The following PIK3C2G variants were observed in gnomAD, a reference collection of about 807,000 sequenced individuals.
PIK3C2G encodes phosphatidylinositol-4-phosphate 3-kinase catalytic subunit type 2 gamma.
PIK3C2G carries 168 observed loss-of-function variants against 181.1 expected under a neutral mutation model. That is an observed-to-expected ratio of 0.93 (90% CI 0.82 to 1.05). The LOEUF is 1.05. Among genes scored for constraint, PIK3C2G ranks in the 50% least tolerant of loss-of-function variants. The pLI, the probability that PIK3C2G is intolerant of heterozygous loss-of-function variation, is 0.00. For synonymous variants in PIK3C2G, 573 were observed against 592.2 expected, an observed-to-expected ratio of 0.97 and a Z score of 0.47; for missense variants, 1,869 against 1,732.8, an observed-to-expected ratio of 1.08 and a Z score of -1.40.
At chr12:18,615,367 G>GTGTGTGTGTGTA (rs1163460591) in intron 31 of PIK3C2G, among the ~76,000 whole-genome samples, 33 of 88,582 alleles carry the variant, frequency 3.7e-4, no homozygotes, top group African/African-American at 1.2e-3. Flanking sequence ...GTGTGTGTGT[G>GTGTGTGTGTGTA]TGTATGTGTA....
intron 22 of PIK3C2G, among the ~76,000 whole-genome samples, chr12:18,502,413 G>A (rs1941552977): frequency 6.6e-6 from 1 of 152,136 alleles, no homozygotes; most frequent in South Asian, 2.1e-4. Context: ...GGGAATTTGA[G>A]TTTGCAACTC....
At chr12:18,716,974 A>T in the PIK3C2G span, among the ~76,000 whole-genome samples, 5,359 of 152,268 alleles carry the variant, frequency 0.035, 129 homozygotes, top group East Asian at 0.056. Flanking sequence ...AAATTAACAG[A>T]TGAGGGAAAG....
In PIK3C2G at chr12:18,626,987, C is replaced by A. The variant is rs80051094; in HGVS notation, c.4183-13442C>A. Among the ~76,000 whole-genome samples the A allele has an allele frequency of 4.1e-3, 627 of 151,974 alleles. 3 individuals carry two copies. The highest frequency in any genetic ancestry group is 0.015 in the African/African-American group (602 of 41,490). The stretch of plus-strand genomic sequence containing the variant: ...GCTTTGTGACCCTTGTATTCCTCCT[C>A]TCTGTATTTAATTCCTTTTACTCAT... On this transcript the variant is annotated intron_variant, in intron 31 of 32. Transcript: ENST00000538779.
chr12:18,454,908 T>A (rs1173104147), intron 18 of PIK3C2G, among the ~76,000 whole-genome samples: 1 of 152,196 alleles, frequency 6.6e-6, no homozygotes. Context: ...TATCTCACTA[T>A]TTCTGTAGGT....
At chr12:18,363,000 G>T (rs1208803819) in intron 12 of PIK3C2G, 114 bp downstream of exon 12, 1 of 748,428 alleles carries the variant, frequency 1.3e-6, no homozygotes, top group African/African-American at 1.8e-5. Context: ...CAGTTGATTT[G>T]ATTCAGTGGT....
chr12:18,251,524 A>G (rs1011418489), intron 1 of PIK3C2G, among the ~76,000 whole-genome samples: 2 of 152,052 alleles, frequency 1.3e-5, no homozygotes, highest in African/African-American at 2.4e-5. Flanking sequence ...AGCCTATAGT[A>G]TCACAAATAC....
At chr12:18,256,663 G>A (rs1346432810), upstream of PIK3C2G, among the ~76,000 whole-genome samples, 2 of 152,078 alleles carry the variant, frequency 1.3e-5, no homozygotes, top group Non-Finnish European at 2.9e-5. Flanking sequence ...CAGAGGTTAC[G>A]TGTTCTTCTG....
chr12:18,628,015 C>T (rs10841049), intron 31 of PIK3C2G, among the ~76,000 whole-genome samples: 10 of 151,920 alleles, frequency 6.6e-5, no homozygotes, highest in African/African-American at 1.2e-4. Flanking sequence ...TTTTAAACCA[C>T]GTCTGTATCT....
intron 25 of PIK3C2G, among the ~76,000 whole-genome samples, chr12:18,544,843 G>T (rs80309901): frequency 0.016 from 2,461 of 151,794 alleles, 79 homozygotes; most frequent in African/African-American, 0.056. Context: ...CTGTATTATA[G>T]CATGTGCTTT....
intron 12 of PIK3C2G, among the ~76,000 whole-genome samples, chr12:18,364,104 C>A (rs1278699848): frequency 6.6e-6 from 1 of 152,192 alleles, no homozygotes; most frequent in Non-Finnish European, 1.5e-5. Flanking sequence ...CCCTACCTAT[C>A]TCTGCATCTT....
chr12:18,300,794 G>A (rs913292242), intron 5 of PIK3C2G, among the ~76,000 whole-genome samples: 2 of 151,992 alleles, frequency 1.3e-5, no homozygotes, highest in Non-Finnish European at 2.9e-5. Context: ...CTAACAGTAA[G>A]TTTTATACTT....
At chr12:18,506,953 T>C (rs1941874635) in intron 24 of PIK3C2G, among the ~76,000 whole-genome samples, 1 of 152,190 alleles carries the variant, frequency 6.6e-6, no homozygotes, top group South Asian at 2.1e-4. Context: ...TATTTTACTT[T>C]CTGTTACTCT....
At chr12:18,448,598 T>C (rs1947159658) in intron 18 of PIK3C2G, among the ~76,000 whole-genome samples, 1 of 152,146 alleles carries the variant, frequency 6.6e-6, no homozygotes, top group Non-Finnish European at 1.5e-5. Context: ...TGTTGGACTT[T>C]CTTTTAGATC....
intron 24 of PIK3C2G, among the ~76,000 whole-genome samples, chr12:18,533,316 A>C (rs1013002015): frequency 6.6e-6 from 1 of 152,082 alleles, no homozygotes; most frequent in Non-Finnish European, 1.5e-5. Context: ...GCTACCTCCA[A>C]ATGTTGCACT....
At chr12:18,643,661 G>A (rs1014167077) in intron 32 of PIK3C2G, among the ~76,000 whole-genome samples, 2 of 151,404 alleles carry the variant, frequency 1.3e-5, no homozygotes, top group African/African-American at 4.9e-5. Flanking sequence ...TTGTGATGTA[G>A]GATCCCATCT....
the PIK3C2G span, among the ~76,000 whole-genome samples, chr12:18,656,885 TAA>T: frequency 6.6e-6 from 1 of 152,168 alleles, no homozygotes; most frequent in South Asian, 2.1e-4. Flanking sequence ...TAAATTTCAG[TAA>T]GAGAGATGTG....
At chr12:18,405,659 A>G (rs1438699140) in intron 16 of PIK3C2G, among the ~76,000 whole-genome samples, 1 of 152,140 alleles carries the variant, frequency 6.6e-6, no homozygotes, top group African/African-American at 2.4e-5. Context: ...GGCTTTAAAG[A>G]AGTATTAAAT....
chr12:18,264,057 G>T (rs1948369086), intron 1 of PIK3C2G, among the ~76,000 whole-genome samples: 1 of 151,966 alleles, frequency 6.6e-6, no homozygotes, highest in Non-Finnish European at 1.5e-5. Context: ...GATGTTTGTT[G>T]TTTTTGTTGT....
At chr12:18,436,733 A>G (rs1053115150) in intron 18 of PIK3C2G, among the ~76,000 whole-genome samples, 10 of 152,046 alleles carry the variant, frequency 6.6e-5, no homozygotes, top group African/African-American at 2.2e-4. Flanking sequence ...CTTTTAAAAA[A>G]ATGGACTCTC....
Sources: gnomAD v4.1 joint callset for allele counts (sites outside exome capture counted in the v4.1 genomes callset) on GRCh38, gnomAD v4.1.1 for gene constraint, MANE v1.5 for transcripts, NCBI Gene and HGNC (gene_info 2026-07-23, HGNC 2026-07-21) for gene names.